EFCAB8: variants seen among roughly 807,000 people sequenced by gnomAD.
The protein encoded by EFCAB8 is EF-hand calcium binding domain 8, also known as EF-hand calcium-binding domain-containing protein 8.
EFCAB8 carries 100 observed loss-of-function variants against 116.3 expected under a neutral mutation model. That is an observed-to-expected ratio of 0.86 (90% CI 0.73 to 1.02). EFCAB8 has a LOEUF of 1.02. Among genes scored for constraint, EFCAB8 ranks in the 50% least tolerant of loss-of-function variants. The probability of loss-of-function intolerance (pLI) is 0.00; values close to 1 mark genes in which losing one functional copy is unlikely to be tolerated. For missense variants in EFCAB8, 1,320 were observed against 1,416.9 expected, an observed-to-expected ratio of 0.93 and a Z score of 1.10; for synonymous variants, 558 against 567.9, an observed-to-expected ratio of 0.98 and a Z score of 0.25.
chr20:32,908,264 C>T lies in EFCAB8; in HGVS notation c.1309-11C>T. The T allele has an allele frequency of 8.0e-7, 1 of 1,249,892 alleles. No homozygotes were observed. The highest frequency in any genetic ancestry group is 3.2e-5 in the East Asian group (1 of 31,710). 77.4% of individuals were successfully genotyped at this position (1,249,892 alleles called of 1,614,324 possible). A position where few individuals can be genotyped will look rare whatever the true frequency, so the allele number is the denominator to read the frequency against. On this transcript the variant is annotated splice_polypyrimidine_tract_variant and intron_variant, in intron 13 of 26. Transcript: ENST00000400522. Reference sequence around the variant, plus strand: ...CCATGCTCAGCGTCTTGCCTTTTTCCCATCCCCCAGAATATTCGCGTGTGG... The same window carrying T: ...CCATGCTCAGCGTCTTGCCTTTTTCTCATCCCCCAGAATATTCGCGTGTGG...
chr20:32,915,189 A>G (rs1331364292), intron 17 of EFCAB8, among the ~76,000 whole-genome samples: 18 of 152,332 alleles, frequency 1.2e-4, no homozygotes, highest in Admixed American at 6.5e-4. Flanking sequence ...GGCATGTACC[A>G]CTGCTCCTGG....
At chr20:32,957,329 AAC>A (rs201454947) in intron 23 of EFCAB8, among the ~76,000 whole-genome samples, 5 of 150,480 alleles carry the variant, frequency 3.3e-5, no homozygotes, top group African/African-American at 5.0e-5. Flanking sequence ...AAAAAAAAAA[AAC>A]CCAAAACTTT....
Position 32,958,474 on chromosome 20 carries a change from C to T in EFCAB8, c.3013C>T (p.Arg1005Cys), listed in dbSNP as rs187188534. 20 of 416,840 alleles carry T rather than the reference C, an allele frequency of 4.8e-5. No homozygotes were observed. The highest frequency in any genetic ancestry group is 4.0e-4 in the Admixed American group (9 of 22,746). 25.8% of individuals were successfully genotyped at this position (416,840 alleles called of 1,614,324 possible). Residue 1005 changes from arginine (R) to cysteine (C), a missense_variant, in exon 24 of 27, where the codon CGT becomes TGT. Transcript: ENST00000400522. Reference sequence around the variant, plus strand: ...ACTACAGGATGCCTGTGATGGTCCTCGTGAAAACAGAGCAAGCTTAGAGGA... The same window carrying T: ...ACTACAGGATGCCTGTGATGGTCCTTGTGAAAACAGAGCAAGCTTAGAGGA... ...KRLQDACDGP[R>C]ENRASLEEDG...
chr20:32,890,767 G>C (rs1985872700), intron 7 of EFCAB8, among the ~76,000 whole-genome samples: 1 of 152,240 alleles, frequency 6.6e-6, no homozygotes, highest in South Asian at 2.1e-4. Flanking sequence ...GTAGATGTCT[G>C]CCTATGAGCA....
intron 22 of EFCAB8, among the ~76,000 whole-genome samples, chr20:32,934,950 C>T (rs542981952): frequency 6.6e-6 from 1 of 152,204 alleles, no homozygotes; most frequent in South Asian, 2.1e-4. Flanking sequence ...CAACATTGTA[C>T]AAGGGTTTTC....
At position 32,931,158 on chromosome 20, in the gene EFCAB8, A is replaced by G. The variant is rs762880946; in HGVS notation, c.2632-20A>G. The G allele has an allele frequency of 2.0e-5, 31 of 1,521,464 alleles. No homozygotes were observed. The South Asian group carries it at 3.7e-4, about 18-fold the overall frequency. The allele number at this position is 1,521,464 out of a possible 1,614,324, so 94.2% of individuals were successfully genotyped here. On this transcript the variant is annotated intron_variant, in intron 21 of 26. Transcript: ENST00000400522. ...CTGGGTCAAGGGGTGTGAGGCCACT[A>G]ACCCACACTTTATGTCTAGATCTGG...
rs143908936 is a variant in EFCAB8 at position 32,867,262 on chromosome 20, ATAGT to A, written c.43-317_43-314del. 7.3e-3 allele frequency among the ~76,000 whole-genome samples: 1,114 copies of A among 152,270 alleles called. 9 individuals are homozygous for A. Among genetic ancestry groups the A allele is most frequent in the African/African-American group, 0.025 (1,056 of 41,548 alleles). On this transcript the variant is annotated intron_variant, in intron 2 of 26. Coordinates refer to ENST00000400522, the MANE Select transcript of EFCAB8 (RefSeq NM_001143967.2). ...CTGACCACTGAAGATTTGAAATGAT[ATAGT>A]TACTGAACTGAGGTCCCTTATAAAT...
At chr20:32,914,365 C>T (rs1448821655) in intron 17 of EFCAB8, among the ~76,000 whole-genome samples, 2 of 152,200 alleles carry the variant, frequency 1.3e-5, no homozygotes. Flanking sequence ...GAGTTGCCTT[C>T]AGGGTCATTC....
chr20:32,939,167 CTTT>C (rs1568941623), intron 22 of EFCAB8, among the ~76,000 whole-genome samples: 10 of 89,550 alleles, frequency 1.1e-4, no homozygotes, highest in Non-Finnish European at 1.9e-4. Context: ...TTCTTTCTTT[CTTT>C]CTTTCTTTCT....
intron 17 of EFCAB8, among the ~76,000 whole-genome samples, chr20:32,913,167 A>G (rs1872538588): frequency 6.6e-6 from 1 of 152,208 alleles, no homozygotes; most frequent in South Asian, 2.1e-4. Flanking sequence ...CTGTAACAGA[A>G]TATCATAGAC....
intron 2 of EFCAB8, among the ~76,000 whole-genome samples, chr20:32,865,669 C>T (rs138686049): frequency 3.3e-5 from 5 of 151,972 alleles, no homozygotes; most frequent in African/African-American, 7.2e-5. Context: ...CGTGGTGACT[C>T]ATGCCTGTAG....
chr20:32,917,543 C>T, intron 18 of EFCAB8, 38 bp downstream of exon 18: 1 of 1,520,404 alleles, frequency 6.6e-7, no homozygotes, highest in Non-Finnish European at 8.9e-7. Flanking sequence ...CCACCCTTCT[C>T]TCAGCTGTGA....
At chr20:32,936,180 G>C (rs971663858) in intron 22 of EFCAB8, among the ~76,000 whole-genome samples, 1 of 151,998 alleles carries the variant, frequency 6.6e-6, no homozygotes, top group Non-Finnish European at 1.5e-5. Context: ...TTATAGGCGT[G>C]TGCCACCATG....
chr20:32,901,684 CTGAT>C (rs1025156875), intron 11 of EFCAB8, among the ~76,000 whole-genome samples: 1 of 152,332 alleles, frequency 6.6e-6, no homozygotes, highest in Non-Finnish European at 1.5e-5. Context: ...TATTGATTGA[CTGAT>C]TGATTGATTG....
At chr20:32,910,646 C>A (rs1006511192) in intron 15 of EFCAB8, among the ~76,000 whole-genome samples, 3 of 151,828 alleles carry the variant, frequency 2.0e-5, no homozygotes, top group African/African-American at 7.3e-5. Flanking sequence ...TCTTCAGTAC[C>A]TTAAAAAAGT....
Position 32,889,321 on chromosome 20 carries a change from C to G in EFCAB8, c.588C>G (p.Leu196=), listed in dbSNP as rs1191973293. ...GCCAGCTTAACCAGACCCAGCAGCT[C>G]TACAACCAGCCGATGTGGGTCATTG... ...SSFRLNQTQQ[L]YNQPMWVIDM... is the part of the protein sequence containing the mutation. Residue 196 remains leucine (L), a synonymous_variant, in exon 7 of 27, where the codon CTC becomes CTG. Coordinates refer to ENST00000400522, the MANE Select transcript of EFCAB8 (RefSeq NM_001143967.2). 4 of 1,551,620 alleles carry G rather than the reference C, an allele frequency of 2.6e-6. No individual in the cohort carries two copies. The highest frequency in any genetic ancestry group is 3.5e-6 in the Non-Finnish European group (4 of 1,147,012).
At chr20:32,935,489 T>G (rs950178150) in intron 22 of EFCAB8, among the ~76,000 whole-genome samples, 4 of 146,408 alleles carry the variant, frequency 2.7e-5, no homozygotes, top group African/African-American at 5.1e-5. Context: ...CATGAGCCAC[T>G]GCACCTGGCC....
At chr20:32,861,765 ATAAAAAT>A in intron 1 of EFCAB8, among the ~76,000 whole-genome samples, 1 of 152,332 alleles carries the variant, frequency 6.6e-6, no homozygotes, top group South Asian at 2.1e-4. Flanking sequence ...TTTAATTAAA[ATAAAAAT>A]CAGAGAATTG....
chr20:32,950,992 C>T (rs746271902), intron 23 of EFCAB8, among the ~76,000 whole-genome samples: 51 of 152,068 alleles, frequency 3.4e-4, no homozygotes, highest in Admixed American at 7.2e-4. Context: ...GAAAACAATG[C>T]GCAATATTTA....
Sources: allele counts gnomAD v4.1 joint callset (sites outside exome capture counted in the v4.1 genomes callset), GRCh38; gene constraint gnomAD v4.1.1; transcripts MANE v1.5; gene names NCBI Gene and HGNC (gene_info 2026-07-23, HGNC 2026-07-21).